Variants in FARS2 observed in about 807,000 individuals in gnomAD.
FARS2 encodes the protein phenylalanyl-tRNA synthetase 2, mitochondrial.
Under a neutral mutation model 46.4 loss-of-function variants are expected in FARS2, and 40 were observed. That is an observed-to-expected ratio of 0.86 (90% CI 0.67 to 1.12). The LOEUF (loss-of-function observed/expected upper bound fraction) is 1.12. FARS2 is among the 50% of genes most tolerant of loss of function. The pLI is 0.00. For missense variants in FARS2, 513 were observed against 567.9 expected (o/e 0.90, Z 0.98); for synonymous variants, 234 against 214.9 (o/e 1.09, Z -0.78).
intron 1 of FARS2, among the ~76,000 whole-genome samples, chr6:5,303,522 A>G (rs914056861): frequency 6.6e-6 from 1 of 151,758 alleles, no homozygotes; most frequent in South Asian, 2.1e-4. Flanking sequence ...AGCTCGGGAG[A>G]GCCGCTCCTG....
At chr6:5,483,021 C>T (rs1766564732) in intron 4 of FARS2, among the ~76,000 whole-genome samples, 1 of 152,112 alleles carries the variant, frequency 6.6e-6, no homozygotes, top group Non-Finnish European at 1.5e-5. Flanking sequence ...TCCACCTCTG[C>T]CTGGGACTTC....
At chr6:5,359,240 A>G (rs1314130031) in intron 1 of FARS2, among the ~76,000 whole-genome samples, 2 of 151,832 alleles carry the variant, frequency 1.3e-5, no homozygotes, top group African/African-American at 4.8e-5. Context: ...GGGTTTCGCC[A>G]TGTTGGCCAG....
chr6:5,476,964 G>T (rs1766160169), intron 4 of FARS2, among the ~76,000 whole-genome samples: 1 of 152,142 alleles, frequency 6.6e-6, no homozygotes, highest in African/African-American at 2.4e-5. Context: ...GCTCTAGCTG[G>T]TAGTTGAGAA....
chr6:5,381,115 C>G (rs1336815231), intron 2 of FARS2, among the ~76,000 whole-genome samples: 2 of 151,880 alleles, frequency 1.3e-5, no homozygotes, highest in East Asian at 3.9e-4. Context: ...ATTCTCCTGC[C>G]TCAGCCTCCT....
chr6:5,651,200 A>G (rs1777343586), intron 6 of FARS2, among the ~76,000 whole-genome samples: 1 of 152,176 alleles, frequency 6.6e-6, no homozygotes, highest in African/African-American at 2.4e-5. Flanking sequence ...TAGACCCAAG[A>G]AAGCTGAAAT....
At chr6:5,609,611 T>G in intron 5 of FARS2, 1 of 1,236,732 alleles carries the variant, frequency 8.1e-7, no homozygotes, top group South Asian at 1.2e-5. Context: ...TTCACCTCTT[T>G]GGCTGAAAGA....
chr6:5,548,604 G>A (rs549033804), intron 5 of FARS2, among the ~76,000 whole-genome samples: 38 of 152,244 alleles, frequency 2.5e-4, no homozygotes, highest in African/African-American at 7.5e-4. Flanking sequence ...CACCAACATC[G>A]TGTAGAATGG....
At chr6:5,489,695 C>G (rs1036234390) in intron 4 of FARS2, among the ~76,000 whole-genome samples, 29 of 152,146 alleles carry the variant, frequency 1.9e-4, no homozygotes, top group African/African-American at 6.5e-4. Flanking sequence ...TATTAGTCTT[C>G]AGATAGGCCT....
chr6:5,647,855 G>T (rs1777155426), intron 6 of FARS2, among the ~76,000 whole-genome samples: 1 of 152,150 alleles, frequency 6.6e-6, no homozygotes, highest in African/African-American at 2.4e-5. Flanking sequence ...CCTGTAATTA[G>T]CACGTAACCC....
chr6:5,338,040 T>C (rs1252400699), intron 1 of FARS2, among the ~76,000 whole-genome samples: 1 of 152,232 alleles, frequency 6.6e-6, no homozygotes, highest in African/African-American at 2.4e-5. Context: ...TAGATAATTG[T>C]ATATTTTTGT....
intron 1 of FARS2, among the ~76,000 whole-genome samples, chr6:5,338,332 A>C (rs1266214590): frequency 6.6e-6 from 1 of 152,128 alleles, no homozygotes; most frequent in Admixed American, 6.6e-5. Flanking sequence ...TTTTGTTTTT[A>C]CTAAAGCTGA....
chr6:5,546,951 T>C (rs1771064113), intron 5 of FARS2, among the ~76,000 whole-genome samples: 1 of 151,932 alleles, frequency 6.6e-6, no homozygotes, highest in African/African-American at 2.4e-5. Context: ...TATTTTATTT[T>C]ATTTTATTTA....
chr6:5,397,498 T>C (rs78631507), intron 2 of FARS2, among the ~76,000 whole-genome samples: 2,873 of 152,258 alleles, frequency 0.019, 86 homozygotes, highest in African/African-American at 0.065. Context: ...AGTGTACCAC[T>C]CTGGTGGAGG....
chr6:5,332,682 G>GT (rs1770879259), intron 1 of FARS2, among the ~76,000 whole-genome samples: 2 of 152,216 alleles, frequency 1.3e-5, no homozygotes, highest in Non-Finnish European at 2.9e-5. Context: ...GATGTAAGAT[G>GT]TTACAGAGTC....
intron 1 of FARS2, among the ~76,000 whole-genome samples, chr6:5,284,443 T>C (rs549842320): frequency 2.0e-5 from 3 of 152,332 alleles, no homozygotes; most frequent in Non-Finnish European, 4.4e-5. Context: ...ATAGATTTCC[T>C]ATCTTGAATT....
intron 4 of FARS2, among the ~76,000 whole-genome samples, chr6:5,522,679 A>G (rs1029503888): frequency 1.3e-5 from 2 of 152,244 alleles, no homozygotes; most frequent in African/African-American, 4.8e-5. Flanking sequence ...CATGGCTAAA[A>G]GATGCATTGG....
intron 5 of FARS2, among the ~76,000 whole-genome samples, chr6:5,547,158 G>T (rs1218295207): frequency 6.6e-6 from 1 of 151,896 alleles, no homozygotes. Context: ...CACCATGTTG[G>T]CCAGGCTGGT....
In FARS2 at chr6:5,353,726, G is replaced by GTTTTTT. The variant is rs55998904; in HGVS notation, c.-21-14807_-21-14802dup. ...CTGTTTTTAAATTGTAATATTTGGT[G>GTTTTTT]TTTTTTTTTTTTTTTTTTTTTTGCT... On this transcript the variant is annotated intron_variant, in intron 1 of 6. Coordinates refer to ENST00000274680, the MANE Select transcript of FARS2 (RefSeq NM_006567.5). Among the ~76,000 whole-genome samples, 74 of 40,370 alleles carry GTTTTTT rather than the reference G, an allele frequency of 1.8e-3. 1 individual carries two copies. The highest frequency in any genetic ancestry group is 7.7e-3 in the East Asian group (6 of 784). 26.5% of individuals were successfully genotyped at this position (40,370 alleles called of 152,430 possible). A position where few individuals can be genotyped will look rare whatever the true frequency, so the allele number is the denominator to read the frequency against.
At chr6:5,294,815 A>G (rs1235812025) in intron 1 of FARS2, among the ~76,000 whole-genome samples, 2 of 152,162 alleles carry the variant, frequency 1.3e-5, no homozygotes, top group South Asian at 4.1e-4. Flanking sequence ...TTCAGCTATC[A>G]GGAAGCTCCC....
Sources: allele counts gnomAD v4.1 joint callset (sites outside exome capture counted in the v4.1 genomes callset), GRCh38; gene constraint gnomAD v4.1.1; transcripts MANE v1.5; gene names NCBI Gene and HGNC (gene_info 2026-07-23, HGNC 2026-07-21).